Variants in USH2A observed in about 807,000 individuals in gnomAD.
USH2A encodes Usher syndrome 2A (autosomal recessive, mild).
In USH2A, 443 loss-of-function variants were observed where a neutral mutation model predicts 538.9. That is an observed-to-expected ratio of 0.82 (90% CI 0.76 to 0.89). USH2A has a LOEUF of 0.89. Among genes scored for constraint, USH2A ranks in the 40% least tolerant of loss-of-function variants. The pLI is 0.00. For missense variants in USH2A, 6,633 were observed against 6,324.8 expected (o/e 1.05, Z -1.65); for synonymous variants, 2,413 against 2,273.5 (o/e 1.06, Z -1.75).
In USH2A at chr1:216,217,403, T is replaced by C. The variant is rs2035363820; in HGVS notation, c.3141A>G (p.Leu1047=). The change falls in exon 15 of 72, where the codon CTA becomes CTG. Residue 1047 remains leucine, a synonymous_variant. Coordinates refer to ENST00000307340, the MANE Select transcript of USH2A (RefSeq NM_206933.4). The part of the protein sequence containing the change: ...PSASHLDVNN[L]LGCSKTPFQQ... ...TTCACTTACTTTTGCTGCAACCCAA[T>C]AGATTGTTGACATCCAAGTGGCTTG... The C allele has an allele frequency of 6.2e-7, 1 of 1,613,012 alleles. No homozygotes were observed. The highest frequency in any genetic ancestry group is 1.7e-5 in the Admixed American group (1 of 59,928).
chr1:216,330,443 G>C (rs1173820647), intron 4 of USH2A, among the ~76,000 whole-genome samples: 2 of 151,982 alleles, frequency 1.3e-5, no homozygotes, highest in African/African-American at 4.8e-5. Flanking sequence ...GAATGGGAAT[G>C]AGTCATACGT....
intron 41 of USH2A, chr1:215,886,470 T>C (rs956855586): frequency 6.6e-6 from 1 of 152,246 alleles, no homozygotes; most frequent in Non-Finnish European, 1.5e-5. Flanking sequence ...CTAGACTCAG[T>C]TGAATATTCC....
rs750776035 is a variant in USH2A at position 215,782,077 on chromosome 1, C to G, written c.10705G>C (p.Ala3569Pro). The G allele has an allele frequency of 6.2e-7, 1 of 1,614,056 alleles. No individual in the cohort carries two copies. The highest frequency in any genetic ancestry group is 8.5e-7 in the Non-Finnish European group (1 of 1,179,894). ...PFQEYSYQLK[A>P]CTVAGCATSS... is the part of the protein sequence containing the mutation. ...GTGGCACAGCCAGCAACCGTGCAAG[C>G]TTTCAGCTGATATGAATATTCCTGA... is the stretch of plus-strand genomic sequence containing the variant. Residue 3569 changes from alanine to proline, a missense_variant, in exon 54 of 72, where the codon GCT (alanine) becomes CCT (proline). Transcript: ENST00000307340.
intron 36 of USH2A, 35 bp from the exon 37 acceptor site, chr1:215,965,514 A>G (rs767903856): frequency 6.2e-7 from 1 of 1,610,082 alleles, no homozygotes; most frequent in East Asian, 2.2e-5. Flanking sequence ...TTGTTTGCAA[A>G]TAAAATAAGT....
rs146936730 is a variant in USH2A, at chr1:216,014,936, A to G, written c.6326-14374T>C. ...GATTTTCTTTAAACTCATGGTGTAA[A>G]CTGAGGAATTTATATCTTCTTATTT... On this transcript the variant is annotated intron_variant, in intron 32 of 71. Transcript: ENST00000307340. Among the ~76,000 whole-genome samples the G allele has an allele frequency of 9.2e-3, 1,402 of 152,314 alleles. 12 individuals carry two copies. Among genetic ancestry groups the G allele is most frequent in the Non-Finnish European group, 0.012 (850 of 68,024 alleles).
intron 49 of USH2A, among the ~76,000 whole-genome samples, chr1:215,806,795 A>C (rs1662516128): frequency 6.6e-6 from 1 of 152,048 alleles, no homozygotes; most frequent in South Asian, 2.1e-4. Context: ...CCCAACCCTA[A>C]TATCATCCTA....
intron 61 of USH2A, among the ~76,000 whole-genome samples, chr1:215,697,935 G>A (rs571721120): frequency 3.9e-5 from 6 of 152,164 alleles, no homozygotes; most frequent in South Asian, 2.1e-4. Context: ...CCATCAGCCC[G>A]TCATCTACAT....
intron 32 of USH2A, among the ~76,000 whole-genome samples, chr1:216,019,821 G>A (rs1248278463): frequency 6.6e-6 from 1 of 152,140 alleles, no homozygotes; most frequent in African/African-American, 2.4e-5. Flanking sequence ...TGAGCACAAT[G>A]GAGTAGCAGA....
At chr1:216,357,884 C>A (rs2038418609) in intron 4 of USH2A, among the ~76,000 whole-genome samples, 1 of 152,194 alleles carries the variant, frequency 6.6e-6, no homozygotes, top group Admixed American at 6.5e-5. Context: ...AGGTTATATA[C>A]CCAATTGGAA....
At chr1:215,771,496 C>G (rs1344541095) in intron 55 of USH2A, among the ~76,000 whole-genome samples, 1 of 138,138 alleles carries the variant, frequency 7.2e-6, no homozygotes, top group Non-Finnish European at 1.5e-5. Flanking sequence ...AGGAGAATGG[C>G]GTGAACCCAG....
intron 3 of USH2A, among the ~76,000 whole-genome samples, chr1:216,415,045 G>A (rs546093154): frequency 2.6e-5 from 4 of 152,056 alleles, no homozygotes; most frequent in Admixed American, 1.3e-4. Context: ...AGAAAATCTA[G>A]CAAAAAAATG....
chr1:215,783,052 C>G, intron 52 of USH2A, 117 bp from the exon 53 acceptor site: 1 of 879,122 alleles, frequency 1.1e-6, no homozygotes, highest in Middle Eastern at 3.4e-4. Flanking sequence ...ATGCTCTAAA[C>G]GCTTTGTATA....
At chr1:215,879,137 C>G in intron 41 of USH2A, 39 bp from the exon 42 acceptor site, 1 of 1,567,754 alleles carries the variant, frequency 6.4e-7, no homozygotes, top group Non-Finnish European at 8.8e-7. Context: ...TGTGACGATA[C>G]AGGAATAGAG....
rs372950392 is a variant in USH2A at position 215,934,733 on chromosome 1, G to A, written c.7183C>T (p.Leu2395Phe). ...ACCAGCCCATCGATGAGCACCCAAA[G>A]GTTTGTCTCTTCTCCGCTGTACATG... Reference protein sequence around the residue: ...KVMYSGEETNLWVLIDGLVPF... With the variant: ...KVMYSGEETNFWVLIDGLVPF... The change falls in exon 38 of 72, where the codon CTT becomes TTT. Residue 2395 changes from leucine (L) to phenylalanine (F), a missense_variant. Physicochemically the swap from Leu to Phe is conservative, Grantham distance 22 (BLOSUM62 0). Coordinates refer to ENST00000307340, the MANE Select transcript of USH2A (RefSeq NM_206933.4). 2.5e-5 allele frequency: 41 copies of A among 1,612,702 alleles called. No individual in the cohort carries two copies. Among genetic ancestry groups the A allele is most frequent in the Non-Finnish European group, 3.4e-5 (40 of 1,179,156 alleles).
Position 215,671,054 on chromosome 1 carries a change from G to A in USH2A, c.14051C>T (p.Ser4684Phe), listed in dbSNP as rs770963297. ...RRQIATQPRKSNPVLIYNGSS... is the reference protein window; with the variant it reads ...RRQIATQPRKFNPVLIYNGSS... ...TCCGTTATAGATTAGGACTGGATTG[G>A]ATTTTCTAGGCTGAGTTGCTATTTG... Residue 4684 changes from serine (S) to phenylalanine (F), a missense_variant, in exon 64 of 72, where the codon TCC becomes TTC. By Grantham distance (155) the Ser-to-Phe change is radical. Transcript: ENST00000307340. 2.5e-6 allele frequency: 4 copies of A among 1,614,144 alleles called. No individual in the cohort carries two copies. In the Admixed American group the frequency reaches 6.7e-5, roughly 27 times the overall value.
intron 43 of USH2A, among the ~76,000 whole-genome samples, chr1:215,875,257 G>A (rs1664733259): frequency 1.3e-5 from 2 of 151,844 alleles, no homozygotes; most frequent in Admixed American, 6.6e-5. Flanking sequence ...AAAGACTCAC[G>A]CCATTTACAC....
chr1:216,083,747 TGACA>T (rs2032024916), intron 25 of USH2A, among the ~76,000 whole-genome samples, 161 bp from the exon 26 acceptor site: 1 of 152,242 alleles, frequency 6.6e-6, no homozygotes, highest in South Asian at 2.1e-4. Flanking sequence ...TGCACAGAAG[TGACA>T]GAAAGACCTT....
chr1:216,407,725 C>G (rs772344511), intron 3 of USH2A, among the ~76,000 whole-genome samples: 1 of 152,012 alleles, frequency 6.6e-6, no homozygotes, highest in South Asian at 2.1e-4. Flanking sequence ...ATCAGTTAGC[C>G]CTTTGGGCAC....
chr1:215,803,932 A>C (rs1485844120), intron 49 of USH2A, among the ~76,000 whole-genome samples: 1 of 152,234 alleles, frequency 6.6e-6, no homozygotes, highest in Admixed American at 6.5e-5. Context: ...GTACCAAAAC[A>C]GAGATATAAA....
Sources: gnomAD v4.1 joint callset for allele counts (sites outside exome capture counted in the v4.1 genomes callset) on GRCh38, gnomAD v4.1.1 for gene constraint, MANE v1.5 for transcripts, NCBI Gene and HGNC (gene_info 2026-07-23, HGNC 2026-07-21) for gene names.